Variants in FAIM2 observed in about 807,000 individuals in gnomAD.
The protein encoded by FAIM2 is protein lifeguard 2.
FAIM2 carries 27 observed loss-of-function variants against 47.4 expected under a neutral mutation model. That is an observed-to-expected ratio of 0.57 (90% CI 0.42 to 0.78). The LOEUF (loss-of-function observed/expected upper bound fraction) is 0.78, where lower values mean the gene tolerates loss of function less well. Ranked by LOEUF, FAIM2 falls within the 30% of genes least tolerant of loss-of-function variation. The pLI, the probability that FAIM2 is intolerant of heterozygous loss-of-function variation, is 0.00. For synonymous variants in FAIM2, 156 were observed against 159.3 expected (o/e 0.98, Z 0.16); for missense variants, 311 against 389.4 (o/e 0.80, Z 1.69).
chr12:49,879,512 ATGTGTG>A (rs61721377), intron 11 of FAIM2, among the ~76,000 whole-genome samples: 3 of 146,690 alleles, frequency 2.0e-5, no homozygotes, highest in African/African-American at 7.7e-5. Context: ...ATGTATGTGC[ATGTGTG>A]TGTGTCCATG....
chr12:49,898,627 G>A (rs1341872425), intron 2 of FAIM2, among the ~76,000 whole-genome samples: 1 of 152,150 alleles, frequency 6.6e-6, no homozygotes, highest in East Asian at 1.9e-4. Context: ...CCCTGGCTCA[G>A]GCGATCCTCC....
At chr12:49,886,273 C>A (rs1946860543) in intron 11 of FAIM2, among the ~76,000 whole-genome samples, 2 of 152,198 alleles carry the variant, frequency 1.3e-5, no homozygotes, top group Admixed American at 1.3e-4. Flanking sequence ...TGGGCAGCTC[C>A]AGGCAGGTGT....
chr12:49,900,621 T>G (rs892208945), intron 2 of FAIM2, among the ~76,000 whole-genome samples: 1 of 152,014 alleles, frequency 6.6e-6, no homozygotes, highest in Non-Finnish European at 1.5e-5. Context: ...AGAAGAGTGA[T>G]TGGTGAGGTG....
chr12:49,893,140 A>G (rs545870262), intron 5 of FAIM2, among the ~76,000 whole-genome samples: 184 of 152,312 alleles, frequency 1.2e-3, no homozygotes, highest in African/African-American at 4.0e-3. Flanking sequence ...TGCTGCAGGC[A>G]GATCCAATCA....
intron 11 of FAIM2, among the ~76,000 whole-genome samples, chr12:49,880,198 A>ATGTGTATG (rs1565614738): frequency 7.8e-6 from 1 of 128,594 alleles, no homozygotes; most frequent in Admixed American, 7.7e-5. Flanking sequence ...GTATATGTGC[A>ATGTGTATG]TGTGTGTGTG....
rs1041637873 is a variant in FAIM2 at position 49,897,448 on chromosome 12, T to C, written c.380+71A>G. The C allele has an allele frequency of 3.5e-6, 5 of 1,414,908 alleles. No individual in the cohort carries two copies. The African/African-American group carries it at 5.6e-5, about 16-fold the overall frequency. 87.6% of individuals were successfully genotyped at this position (1,414,908 alleles called of 1,614,324 possible). ...AGGCAGCATTCCAGCAGGAGTCTGA[T>C]CATGGGTTCCCCGGCTCCAGGCCTG... On this transcript the variant is annotated intron_variant, in intron 4 of 11. Transcript: ENST00000320634.
Position 49,870,626 on chromosome 12 carries a change from T to A in FAIM2, c.829A>T (p.Met277Leu). ...LFLALDTQLL[M>L]GNRRHSLSPE... ...CTCAGCGAGTGGCGTCGGTTACCCA[T>A]CAGCAACTGGGTGTCAAGTGCCAGG... Residue 277 changes from methionine (M) to leucine (L), a missense_variant, in exon 12 of 12, where the codon ATG becomes TTG. Coordinates refer to ENST00000320634, the MANE Select transcript of FAIM2 (RefSeq NM_012306.4). The A allele has an allele frequency of 6.2e-7, 1 of 1,613,716 alleles. No homozygotes were observed. The highest frequency in any genetic ancestry group is 8.5e-7 in the Non-Finnish European group (1 of 1,179,866).
chr12:49,872,903 G>GCAC, intron 11 of FAIM2, among the ~76,000 whole-genome samples: 1 of 152,334 alleles, frequency 6.6e-6, no homozygotes, highest in South Asian at 2.1e-4. Flanking sequence ...CTGACACATA[G>GCAC]TAAGCACTTA....
At chr12:49,889,287 AC>A in intron 9 of FAIM2, 85 bp from the exon 10 acceptor site, 2 of 1,125,756 alleles carry the variant, frequency 1.8e-6, no homozygotes, top group Admixed American at 3.9e-5. Flanking sequence ...ACAGCAGGCC[AC>A]AGTCTTGTGC....
intron 1 of FAIM2, 130 bp downstream of exon 1, chr12:49,903,648 A>C: frequency 8.0e-7 from 1 of 1,247,088 alleles, no homozygotes; most frequent in Non-Finnish European, 1.1e-6. Context: ...TGACTTCAGC[A>C]AGGACCACGG....
chr12:49,880,572 CTGTGCATGTGTATA>C (rs1193889948), intron 11 of FAIM2, among the ~76,000 whole-genome samples: 3 of 10,626 alleles, frequency 2.8e-4, no homozygotes, highest in East Asian at 7.8e-3. Context: ...ATGTGTGTAT[CTGTGCATGTGTATA>C]TGTGCATGTG....
chr12:49,870,612 G>A lies in FAIM2; in HGVS notation c.843C>T (p.Arg281=), dbSNP rs757939365. ...TATACTCCTCAGGGCTCAGCGAGTG[G>A]CGTCGGTTACCCATCAGCAACTGGG... ...LDTQLLMGNR[R]HSLSPEEYIF... Residue 281 remains arginine, a synonymous_variant, in exon 12 of 12, where the codon CGC becomes CGT. Coordinates refer to ENST00000320634, the MANE Select transcript of FAIM2 (RefSeq NM_012306.4). The A allele has an allele frequency of 6.2e-7, 1 of 1,613,936 alleles. No homozygotes were observed. Among genetic ancestry groups the A allele is most frequent in the African/African-American group, 1.3e-5 (1 of 74,900 alleles).
At chr12:49,883,333 G>T (rs1464137294) in intron 11 of FAIM2, among the ~76,000 whole-genome samples, 2 of 152,048 alleles carry the variant, frequency 1.3e-5, no homozygotes, top group Non-Finnish European at 2.9e-5. Context: ...AGCCATGAGG[G>T]CAGAGATAAG....
intron 11 of FAIM2, among the ~76,000 whole-genome samples, chr12:49,879,697 T>C (rs1946789084): frequency 1.6e-5 from 1 of 61,018 alleles, no homozygotes; most frequent in South Asian, 4.7e-4. Context: ...TGTGTCTGTG[T>C]GCATGTGTGT....
intron 11 of FAIM2, among the ~76,000 whole-genome samples, chr12:49,886,756 G>A (rs548498561): frequency 3.3e-5 from 5 of 152,228 alleles, no homozygotes; most frequent in South Asian, 4.1e-4. Flanking sequence ...GATTATAGGC[G>A]TGAGCCACCG....
chr12:49,900,279 A>G, intron 2 of FAIM2: 9 of 1,190,504 alleles, frequency 7.6e-6, no homozygotes, highest in Non-Finnish European at 9.8e-6. Context: ...TGTCTGGGGC[A>G]TTGTCTCTGA....
At chr12:49,886,044 T>A (rs1165672537) in intron 11 of FAIM2, among the ~76,000 whole-genome samples, 1 of 151,528 alleles carries the variant, frequency 6.6e-6, no homozygotes, top group African/African-American at 2.4e-5. Context: ...CCCACAAGCC[T>A]CCGGAAATTT....
intron 11 of FAIM2, among the ~76,000 whole-genome samples, chr12:49,875,366 G>A (rs548056983): frequency 4.6e-5 from 7 of 152,124 alleles, no homozygotes; most frequent in Admixed American, 2.6e-4. Flanking sequence ...GCTTTGGGGA[G>A]TCTCTGGAGA....
intron 3 of FAIM2, 80 bp from the exon 4 acceptor site, chr12:49,897,663 C>T: frequency 1.9e-6 from 2 of 1,037,488 alleles, no homozygotes; most frequent in Non-Finnish European, 2.9e-6. Flanking sequence ...AGTCACCTCT[C>T]CAGGTCCCCA....
Sources: allele counts gnomAD v4.1 joint callset (sites outside exome capture counted in the v4.1 genomes callset), GRCh38; gene constraint gnomAD v4.1.1; transcripts MANE v1.5; gene names NCBI Gene and HGNC (gene_info 2026-07-23, HGNC 2026-07-21).